The following ZFAT variants were observed in gnomAD, a reference collection of about 807,000 sequenced individuals.
ZFAT encodes the protein zinc finger and AT-hook domain containing.
ZFAT carries 64 observed loss-of-function variants against 117.7 expected under a neutral mutation model. The observed-to-expected ratio is 0.54, with a 90% CI of 0.44 to 0.67. The LOEUF (loss-of-function observed/expected upper bound fraction) is 0.67. Ranked by LOEUF, ZFAT falls within the 30% of genes least tolerant of loss-of-function variation. ZFAT has a pLI of 0.00. For synonymous variants in ZFAT, 679 were observed against 615.0 expected (o/e 1.10, Z -1.54); for missense variants, 1,433 against 1,584.5 (o/e 0.90, Z 1.62).
At chr8:134,603,703 T>C (rs1364072151) in intron 5 of ZFAT, among the ~76,000 whole-genome samples, 1 of 152,238 alleles carries the variant, frequency 6.6e-6, no homozygotes, top group African/African-American at 2.4e-5. Flanking sequence ...AGGATGTGCC[T>C]GCCTGGGGTG....
chr8:134,599,708 T>C (rs1472856330), intron 7 of ZFAT: 4 of 440,882 alleles, frequency 9.1e-6, no homozygotes, highest in Non-Finnish European at 1.3e-5. Flanking sequence ...TAAAAAGGCA[T>C]TCAATTAAAA....
chr8:134,667,778 A>T (rs1042303329), intron 1 of ZFAT, among the ~76,000 whole-genome samples: 1 of 152,094 alleles, frequency 6.6e-6, no homozygotes, highest in Non-Finnish European at 1.5e-5. Context: ...CAGTAGGTGC[A>T]GCCCACTGAG....
At chr8:134,787,803 TAA>T in the ZFAT span, among the ~76,000 whole-genome samples, 2 of 150,648 alleles carry the variant, frequency 1.3e-5, no homozygotes, top group African/African-American at 2.4e-5. Context: ...TATTTAGAAT[TAA>T]AAAAAAAATG....
At chr8:134,738,622 G>A in the ZFAT span, among the ~76,000 whole-genome samples, 494 of 152,266 alleles carry the variant, frequency 3.2e-3, 2 homozygotes, top group Non-Finnish European at 5.7e-3. Context: ...CCATGAAGGA[G>A]GTGGGATGGC....
At chr8:134,617,445 G>A (rs1828825523) in intron 3 of ZFAT, among the ~76,000 whole-genome samples, 1 of 152,162 alleles carries the variant, frequency 6.6e-6, no homozygotes, top group South Asian at 2.1e-4. Flanking sequence ...GTCCCAGCTA[G>A]TATTAATAAC....
intron 3 of ZFAT, among the ~76,000 whole-genome samples, chr8:134,613,917 G>A (rs532160881): frequency 9.9e-5 from 15 of 152,142 alleles, no homozygotes; most frequent in Admixed American, 3.9e-4. Flanking sequence ...GGGTTTCCAC[G>A]GCATAGATAT....
At chr8:134,728,549 T>C in the ZFAT span, among the ~76,000 whole-genome samples, 3 of 152,178 alleles carry the variant, frequency 2.0e-5, no homozygotes, top group Non-Finnish European at 4.4e-5. Context: ...GGCACCACTC[T>C]GGAGGGTGTG....
At chr8:134,789,622 A>G in the ZFAT span, among the ~76,000 whole-genome samples, 2 of 152,190 alleles carry the variant, frequency 1.3e-5, no homozygotes, top group Non-Finnish European at 2.9e-5. Flanking sequence ...TTGAAGACAA[A>G]TGCTACATGG....
the ZFAT span, among the ~76,000 whole-genome samples, chr8:134,746,603 C>T: frequency 6.6e-6 from 1 of 152,132 alleles, no homozygotes; most frequent in Non-Finnish European, 1.5e-5. Context: ...ACCTAGTTTT[C>T]ATTTCCTTTC....
the ZFAT span, among the ~76,000 whole-genome samples, chr8:134,814,404 A>G: frequency 6.6e-6 from 1 of 152,236 alleles, no homozygotes; most frequent in Admixed American, 6.5e-5. Context: ...TTCTTATATT[A>G]GTCTCTAACC....
chr8:134,795,911 T>C, the ZFAT span: 2 of 152,226 alleles, frequency 1.3e-5, no homozygotes, highest in East Asian at 3.9e-4. Context: ...GCTGCTTCTT[T>C]AATTCAGCAT....
intron 1 of ZFAT, among the ~76,000 whole-genome samples, chr8:134,664,569 G>A (rs534411456): frequency 2.8e-4 from 42 of 152,344 alleles, no homozygotes; most frequent in African/African-American, 6.5e-4. Flanking sequence ...GGCCTCCCAC[G>A]GGGAGGGCAG....
At chr8:134,578,444 A>G (rs116539614) in intron 10 of ZFAT, among the ~76,000 whole-genome samples, 1,629 of 151,408 alleles carry the variant, frequency 0.011, 30 homozygotes, top group African/African-American at 0.038. Flanking sequence ...AATGAATACA[A>G]TATGTGTGGA....
intron 15 of ZFAT, among the ~76,000 whole-genome samples, chr8:134,481,592 AGGACAAGGAGAACCACGCCAG>A (rs1817310535): frequency 6.6e-6 from 1 of 152,224 alleles, no homozygotes; most frequent in Non-Finnish European, 1.5e-5. Flanking sequence ...ATCACTGCCA[AGGACAAGGAGAACCACGCCAG>A]GACCAGGCCT....
chr8:134,782,684 T>G, the ZFAT span, among the ~76,000 whole-genome samples: 3 of 152,144 alleles, frequency 2.0e-5, no homozygotes, highest in Non-Finnish European at 4.4e-5. Context: ...TTGCTTGATT[T>G]TCATTCTCTT....
At chr8:134,503,302 C>T (rs1272660274) in intron 15 of ZFAT, among the ~76,000 whole-genome samples, 1 of 152,198 alleles carries the variant, frequency 6.6e-6, no homozygotes, top group Non-Finnish European at 1.5e-5. Flanking sequence ...AAAATCTCAG[C>T]TGTGATAGAA....
At chr8:134,497,520 T>A (rs1438337732) in intron 15 of ZFAT, among the ~76,000 whole-genome samples, 8 of 40,560 alleles carry the variant, frequency 2.0e-4, no homozygotes, top group African/African-American at 2.4e-4. Flanking sequence ...ATGCCCCAGC[T>A]GCTGGTTACA....
chr8:134,627,056 TAC>T (rs1324909034), intron 3 of ZFAT, among the ~76,000 whole-genome samples: 1 of 152,112 alleles, frequency 6.6e-6, no homozygotes, highest in Non-Finnish European at 1.5e-5. Flanking sequence ...GCCAATGGCA[TAC>T]AGAGACAGTG....
At chr8:134,490,246 C>T (rs1817953796) in intron 15 of ZFAT, among the ~76,000 whole-genome samples, 1 of 152,170 alleles carries the variant, frequency 6.6e-6, no homozygotes, top group Non-Finnish European at 1.5e-5. Flanking sequence ...TTTGAGGTGA[C>T]ACCAAGATCA....
Sources: allele counts gnomAD v4.1 joint callset (sites outside exome capture counted in the v4.1 genomes callset), GRCh38; gene constraint gnomAD v4.1.1; transcripts MANE v1.5; gene names NCBI Gene and HGNC (gene_info 2026-07-23, HGNC 2026-07-21).